Variants in UPP2 observed in about 807,000 individuals in gnomAD.
UPP2 encodes the protein UPase 2.
A neutral mutation model predicts 26.7 loss-of-function variants in UPP2; 23 were observed. That is an observed-to-expected ratio of 0.86 (90% CI 0.62 to 1.22). The LOEUF (loss-of-function observed/expected upper bound fraction) is 1.22, where lower values mean the gene tolerates loss of function less well. Among genes scored for constraint, UPP2 ranks in the 50% most tolerant of loss-of-function variants. The pLI is 0.00. For missense variants in UPP2, 387 were observed against 396.7 expected (o/e 0.98, Z 0.21); for synonymous variants, 127 against 141.3 (o/e 0.90, Z 0.72).
At chr2:158,031,553 C>A (rs1001757315) in intron 3 of UPP2, among the ~76,000 whole-genome samples, 1 of 152,208 alleles carries the variant, frequency 6.6e-6, no homozygotes, top group Non-Finnish European at 1.5e-5. Context: ...GTTGGAACAT[C>A]TCCAGGACCG....
rs528805119 is a variant in UPP2, at chr2:158,109,744, C to T, written c.180+3528C>T. Among the ~76,000 whole-genome samples the T allele has an allele frequency of 3.3e-5, 5 of 152,316 alleles. No homozygotes were observed. The South Asian group carries it at 1.0e-3, about 32-fold the overall frequency. On this transcript the variant is annotated intron_variant, in intron 2 of 6. Coordinates refer to ENST00000005756, the MANE Select transcript of UPP2 (RefSeq NM_173355.4). ...AAGAAGAGCAAACTGTTTAGGTGAA[C>T]AGCTAATCAATCTCTGCCATACTCA...
At chr2:158,049,075 C>T (rs1240400631) in intron 3 of UPP2, among the ~76,000 whole-genome samples, 1 of 152,196 alleles carries the variant, frequency 6.6e-6, no homozygotes, top group African/African-American at 2.4e-5. Context: ...CGCTTGCCCA[C>T]CCCTCATCAC....
intron 3 of UPP2, chr2:158,065,690 A>T: frequency 1.6e-6 from 1 of 626,038 alleles, no homozygotes; most frequent in Non-Finnish European, 3.0e-6. Flanking sequence ...AGATAAGAGT[A>T]TGTAAAGCAA....
At chr2:158,037,141 A>G (rs1045990793) in intron 3 of UPP2, among the ~76,000 whole-genome samples, 5 of 151,916 alleles carry the variant, frequency 3.3e-5, no homozygotes, top group South Asian at 2.1e-4. Flanking sequence ...TTGGGAGGCT[A>G]AGGTGGGTGA....
intron 3 of UPP2, among the ~76,000 whole-genome samples, chr2:158,024,224 A>G (rs1260801242): frequency 6.6e-6 from 1 of 152,144 alleles, no homozygotes; most frequent in Non-Finnish European, 1.5e-5. Context: ...AGGTTTGAGG[A>G]AGACAAAGAC....
intron 3 of UPP2, among the ~76,000 whole-genome samples, chr2:158,041,868 G>C (rs746947125): frequency 1.3e-5 from 2 of 152,138 alleles, no homozygotes; most frequent in Admixed American, 1.3e-4. Context: ...TTTGATTGGG[G>C]ACCAAATTCT....
chr2:158,127,945 T>C, intron 6 of UPP2: 1 of 953,872 alleles, frequency 1.0e-6, no homozygotes, highest in Non-Finnish European at 1.2e-6. Flanking sequence ...AATATGCACA[T>C]ATCTGTGTCT....
chr2:158,105,458 C>A (rs1423665590), intron 1 of UPP2, among the ~76,000 whole-genome samples: 1 of 152,164 alleles, frequency 6.6e-6, no homozygotes, highest in East Asian at 1.9e-4. Context: ...AGACCATCAA[C>A]ATCAGGACCA....
At chr2:158,040,403 C>A (rs1204535825) in intron 3 of UPP2, among the ~76,000 whole-genome samples, 2 of 152,092 alleles carry the variant, frequency 1.3e-5, no homozygotes, top group African/African-American at 4.8e-5. Flanking sequence ...GAAAAAGAAG[C>A]CAGAAATAAA....
Position 158,135,030 on chromosome 2 carries a change from C to A in UPP2, c.*140C>A. 1 of 1,018,950 alleles carries A rather than the reference C, an allele frequency of 9.8e-7. No homozygotes were observed. Among genetic ancestry groups the A allele is most frequent in the South Asian group, 3.0e-5 (1 of 33,318 alleles). The allele number at this position is 1,018,950 out of a possible 1,614,324, so 63.1% of individuals were successfully genotyped here. ...GAAAGACTTTATGAAATCCTTCTCTCTTAAAAAGGAATTTATTGTAAAAGA... is the reference window on the plus strand; with the variant it reads ...GAAAGACTTTATGAAATCCTTCTCTATTAAAAAGGAATTTATTGTAAAAGA... On this transcript the variant is annotated 3_prime_UTR_variant, in exon 7 of 7. Coordinates refer to ENST00000005756, the MANE Select transcript of UPP2 (RefSeq NM_173355.4).
chr2:158,078,710 C>T (rs542436832), intron 3 of UPP2, among the ~76,000 whole-genome samples: 4 of 152,112 alleles, frequency 2.6e-5, no homozygotes, highest in African/African-American at 9.6e-5. Flanking sequence ...TAAAGAAGAC[C>T]TAGTATTTGA....
At chr2:158,120,177 A>G (rs1683534758) in intron 4 of UPP2, among the ~76,000 whole-genome samples, 1 of 152,016 alleles carries the variant, frequency 6.6e-6, no homozygotes, top group African/African-American at 2.4e-5. Context: ...GGATAAGTCT[A>G]TACTCTATAG....
At chr2:158,044,645 ATG>A (rs1205829548) in intron 3 of UPP2, among the ~76,000 whole-genome samples, 1 of 152,194 alleles carries the variant, frequency 6.6e-6, no homozygotes, top group Non-Finnish European at 1.5e-5. Context: ...ATTAATGCTT[ATG>A]TTCGATCAGG....
At chr2:158,096,043 T>G (rs928485453) in intron 3 of UPP2, among the ~76,000 whole-genome samples, 6 of 152,182 alleles carry the variant, frequency 3.9e-5, no homozygotes, top group Admixed American at 6.5e-5. Context: ...TTTTCAGTCT[T>G]AAGGCCCTCT....
intron 3 of UPP2, among the ~76,000 whole-genome samples, chr2:158,087,012 T>C (rs1394591703): frequency 6.6e-6 from 1 of 151,818 alleles, no homozygotes; most frequent in East Asian, 1.9e-4. Context: ...AGTCCCTTTG[T>C]TCTAAATTAT....
At chr2:158,074,280 TAA>T (rs1304744112) in intron 3 of UPP2, among the ~76,000 whole-genome samples, 4 of 152,166 alleles carry the variant, frequency 2.6e-5, no homozygotes, top group African/African-American at 9.7e-5. Flanking sequence ...CAGAATATTA[TAA>T]AACTGTAATT....
chr2:158,066,244 G>C (rs1213238773), intron 3 of UPP2, among the ~76,000 whole-genome samples: 1 of 152,158 alleles, frequency 6.6e-6, no homozygotes, highest in East Asian at 1.9e-4. Context: ...TCTGTGTTTG[G>C]GTTACAGTCA....
intron 3 of UPP2, among the ~76,000 whole-genome samples, chr2:158,078,291 A>T (rs1239685576): frequency 6.6e-6 from 1 of 152,210 alleles, no homozygotes; most frequent in East Asian, 1.9e-4. Context: ...GTATATTCTC[A>T]AAAGAAAAGA....
At chr2:157,999,231 T>C (rs1451078834) in intron 2 of UPP2, among the ~76,000 whole-genome samples, 2 of 152,124 alleles carry the variant, frequency 1.3e-5, no homozygotes, top group African/African-American at 4.8e-5. Context: ...CAGGCTGGAG[T>C]GCAATGGTGT....
Sources: gnomAD v4.1 joint callset for allele counts (sites outside exome capture counted in the v4.1 genomes callset) on GRCh38, gnomAD v4.1.1 for gene constraint, MANE v1.5 for transcripts, NCBI Gene and HGNC (gene_info 2026-07-23, HGNC 2026-07-21) for gene names.